CACNB2: variants seen among roughly 807,000 people sequenced by gnomAD.
CACNB2 encodes the protein calcium voltage-gated channel auxiliary subunit beta 2.
Under a neutral mutation model 73.3 loss-of-function variants are expected in CACNB2, and 42 were observed. The ratio of observed to expected loss-of-function variants is 0.57; its 90% confidence interval spans 0.45 to 0.74. The LOEUF (loss-of-function observed/expected upper bound fraction) is 0.74, where lower values mean the gene tolerates loss of function less well. Ranked by LOEUF, CACNB2 falls within the 30% of genes least tolerant of loss-of-function variation. The probability of loss-of-function intolerance (pLI) is 0.00; values close to 1 mark genes in which losing one functional copy is unlikely to be tolerated. For synonymous variants in CACNB2, 348 were observed against 310.3 expected (o/e 1.12, Z -1.28); for missense variants, 940 against 853.0 (o/e 1.10, Z -1.27).
intron 2 of CACNB2, among the ~76,000 whole-genome samples, chr10:18,283,485 C>T (rs2038647124): frequency 6.6e-6 from 1 of 152,190 alleles, no homozygotes; most frequent in South Asian, 2.1e-4. Context: ...GAACACTATG[C>T]AGCCATAAAA....
chr10:18,247,229 T>G (rs1057484222), intron 2 of CACNB2, among the ~76,000 whole-genome samples: 1 of 152,186 alleles, frequency 6.6e-6, no homozygotes, highest in Non-Finnish European at 1.5e-5. Context: ...AGGGGCTTCC[T>G]CCCATGCAGA....
intron 2 of CACNB2, among the ~76,000 whole-genome samples, chr10:18,177,235 T>C (rs2033646471): frequency 6.6e-6 from 1 of 152,116 alleles, no homozygotes; most frequent in African/African-American, 2.4e-5. Flanking sequence ...TTACCATAGT[T>C]GAAGATGCAC....
intron 3 of CACNB2, among the ~76,000 whole-genome samples, chr10:18,466,934 C>A (rs1038888213): frequency 2.0e-5 from 3 of 152,144 alleles, no homozygotes; most frequent in Non-Finnish European, 4.4e-5. Flanking sequence ...ACGGGCGGTT[C>A]ACTTGAGGTC....
chr10:18,435,114 AC>A (rs2046069571), intron 3 of CACNB2, among the ~76,000 whole-genome samples: 1 of 152,082 alleles, frequency 6.6e-6, no homozygotes, highest in Non-Finnish European at 1.5e-5. Context: ...TGCATGTCAC[AC>A]AAGGATAATC....
At chr10:18,255,120 T>G (rs2037229489) in intron 2 of CACNB2, among the ~76,000 whole-genome samples, 1 of 152,294 alleles carries the variant, frequency 6.6e-6, no homozygotes, top group Admixed American at 6.5e-5. Flanking sequence ...ATGGCACAAA[T>G]CTGATCATGC....
chr10:18,152,191 G>A (rs183638262), intron 2 of CACNB2, among the ~76,000 whole-genome samples: 1 of 152,198 alleles, frequency 6.6e-6, no homozygotes, highest in East Asian at 1.9e-4. Context: ...ACTGTCCTTA[G>A]ACGAAGGATG....
chr10:18,289,333 T>C (rs1474076862), intron 2 of CACNB2, among the ~76,000 whole-genome samples: 104 of 145,014 alleles, frequency 7.2e-4, no homozygotes, highest in African/African-American at 1.8e-3. Context: ...CTCACTCTGT[T>C]GCCCAGGCTG....
chr10:18,350,210 A>C (rs1001982258), intron 2 of CACNB2, among the ~76,000 whole-genome samples: 9 of 152,182 alleles, frequency 5.9e-5, no homozygotes, highest in African/African-American at 2.2e-4. Flanking sequence ...GTGCCATTGC[A>C]CTCCAGCCTG....
At chr10:18,430,619 G>A (rs12764610) in intron 3 of CACNB2, among the ~76,000 whole-genome samples, 1 of 152,146 alleles carries the variant, frequency 6.6e-6, no homozygotes, top group African/African-American at 2.4e-5. Context: ...AACAGAGTGA[G>A]ACCTTGTCTC....
At chr10:18,381,291 A>G (rs993438236) in intron 2 of CACNB2, among the ~76,000 whole-genome samples, 2 of 151,492 alleles carry the variant, frequency 1.3e-5, no homozygotes. Context: ...TCCCAAATGT[A>G]TGAACTCTCG....
chr10:18,292,624 C>T (rs1305220251), intron 2 of CACNB2, among the ~76,000 whole-genome samples: 3 of 152,060 alleles, frequency 2.0e-5, no homozygotes, highest in Non-Finnish European at 2.9e-5. Context: ...CCACTGCACT[C>T]CAGCCTGGGA....
intron 2 of CACNB2, among the ~76,000 whole-genome samples, chr10:18,170,939 C>T (rs1473629266): frequency 6.6e-6 from 1 of 152,164 alleles, no homozygotes; most frequent in African/African-American, 2.4e-5. Flanking sequence ...ATAATTCTTG[C>T]ATGGAATCTT....
At chr10:18,307,995 T>A (rs1355672653) in intron 2 of CACNB2, among the ~76,000 whole-genome samples, 3 of 129,954 alleles carry the variant, frequency 2.3e-5, no homozygotes, top group Admixed American at 7.9e-5. Context: ...TTTTTTTTTT[T>A]TTTTTTTTTT....
At chr10:18,344,212 G>A (rs1422174050) in intron 2 of CACNB2, among the ~76,000 whole-genome samples, 1 of 152,092 alleles carries the variant, frequency 6.6e-6, no homozygotes, top group Non-Finnish European at 1.5e-5. Context: ...ATAAGGCCTG[G>A]TGGCTAATGT....
chr10:18,509,354 A>G (rs2050646830), intron 6 of CACNB2, among the ~76,000 whole-genome samples: 2 of 152,224 alleles, frequency 1.3e-5, no homozygotes, highest in African/African-American at 4.8e-5. Context: ...GATGCTGTCA[A>G]GAACTTGGAA....
chr10:18,185,592 A>AAT (rs2034110687), intron 2 of CACNB2, among the ~76,000 whole-genome samples: 1 of 152,214 alleles, frequency 6.6e-6, no homozygotes, highest in African/African-American at 2.4e-5. Context: ...TTTATATACT[A>AAT]ACTGAAATAG....
At chr10:18,340,382 T>C (rs1475213927) in intron 2 of CACNB2, among the ~76,000 whole-genome samples, 1 of 152,240 alleles carries the variant, frequency 6.6e-6, no homozygotes, top group Non-Finnish European at 1.5e-5. Context: ...CACTTTCTTG[T>C]GTGCAAAAGA....
intron 2 of CACNB2, among the ~76,000 whole-genome samples, chr10:18,355,570 A>G (rs1205317568): frequency 6.6e-6 from 1 of 151,904 alleles, no homozygotes; most frequent in Non-Finnish European, 1.5e-5. Flanking sequence ...AGTTATAATC[A>G]CAAAAGTATC....
chr10:18,370,773 C>A (rs2042546857), intron 2 of CACNB2, among the ~76,000 whole-genome samples: 1 of 152,148 alleles, frequency 6.6e-6, no homozygotes, highest in Non-Finnish European at 1.5e-5. Flanking sequence ...TTAAAGTACT[C>A]TTTATAATTA....
Sources: allele counts gnomAD v4.1 joint callset (sites outside exome capture counted in the v4.1 genomes callset), GRCh38; gene constraint gnomAD v4.1.1; transcripts MANE v1.5; gene names NCBI Gene and HGNC (gene_info 2026-07-23, HGNC 2026-07-21).